DPP10: variants seen among roughly 807,000 people sequenced by gnomAD.
DPP10 encodes dipeptidyl peptidase like 10, also known as inactive dipeptidyl peptidase 10.
Under a neutral mutation model 120.9 loss-of-function variants are expected in DPP10, and 33 were observed. The ratio of observed to expected loss-of-function variants is 0.27; its 90% CI spans 0.21 to 0.37. The LOEUF is 0.37. DPP10 is among the 10% of genes least tolerant of loss of function. The pLI is 1.00. For missense variants in DPP10, 816 were observed against 942.8 expected (o/e 0.87, Z 1.76); for synonymous variants, 337 against 326.1 (o/e 1.03, Z -0.36).
intron 1 of DPP10, among the ~76,000 whole-genome samples, chr2:115,085,324 G>A (rs1708603973): frequency 6.6e-6 from 1 of 152,038 alleles, no homozygotes; most frequent in Non-Finnish European, 1.5e-5. Flanking sequence ...GTATGTGTGA[G>A]CACGTGTGTG....
intron 1 of DPP10, among the ~76,000 whole-genome samples, chr2:115,251,920 G>A (rs771474157): frequency 8.5e-5 from 13 of 152,114 alleles, no homozygotes; most frequent in Non-Finnish European, 1.3e-4. Flanking sequence ...TTTTCTCTGG[G>A]CAGCCCCACC....
intron 5 of DPP10, among the ~76,000 whole-genome samples, chr2:115,564,292 T>G (rs2080868212): frequency 6.6e-6 from 1 of 151,766 alleles, no homozygotes; most frequent in Admixed American, 6.6e-5. Flanking sequence ...ATTTTTATCC[T>G]GACTGTCTGC....
At chr2:115,289,845 C>T (rs531439094) in intron 1 of DPP10, among the ~76,000 whole-genome samples, 9 of 152,154 alleles carry the variant, frequency 5.9e-5, no homozygotes, top group South Asian at 2.1e-4. Flanking sequence ...TTCACATTAA[C>T]CCAAGATGGA....
intron 1 of DPP10, among the ~76,000 whole-genome samples, chr2:114,649,902 C>T (rs1045421432): frequency 2.0e-5 from 3 of 151,944 alleles, no homozygotes; most frequent in African/African-American, 7.3e-5. Context: ...ATGTTTTCCA[C>T]TTGGTTTATT....
chr2:114,742,727 A>T (rs1022329088), intron 1 of DPP10, among the ~76,000 whole-genome samples: 2 of 152,220 alleles, frequency 1.3e-5, no homozygotes, highest in Admixed American at 1.3e-4. Flanking sequence ...TCGAACAGCA[A>T]CACTGTGTGT....
intron 1 of DPP10, among the ~76,000 whole-genome samples, chr2:114,980,741 G>A (rs1472742590): frequency 6.6e-6 from 1 of 151,504 alleles, no homozygotes; most frequent in African/African-American, 2.4e-5. Flanking sequence ...TAACAATAAT[G>A]ATACCTCCCA....
chr2:115,746,954 G>A (rs963187226), intron 10 of DPP10, among the ~76,000 whole-genome samples: 1 of 152,066 alleles, frequency 6.6e-6, no homozygotes, highest in East Asian at 1.9e-4. Context: ...CGATAATCAG[G>A]GTGATTGGTT....
intron 5 of DPP10, among the ~76,000 whole-genome samples, chr2:115,612,729 C>T (rs898495068): frequency 6.6e-6 from 1 of 152,034 alleles, no homozygotes; most frequent in African/African-American, 2.4e-5. Flanking sequence ...TGAAATGAGA[C>T]TAATAATACT....
chr2:114,844,801 T>C (rs1688418675), intron 1 of DPP10, among the ~76,000 whole-genome samples: 2 of 152,074 alleles, frequency 1.3e-5, no homozygotes. Context: ...AGGACTTCAA[T>C]TCTGGTAAGG....
At chr2:115,746,802 T>A (rs139352019) in intron 10 of DPP10, among the ~76,000 whole-genome samples, 3 of 152,172 alleles carry the variant, frequency 2.0e-5, no homozygotes, top group Non-Finnish European at 4.4e-5. Flanking sequence ...GTTTCAGACT[T>A]CAAAAGTGAT....
chr2:115,740,655 C>A (rs933087742), intron 9 of DPP10, among the ~76,000 whole-genome samples: 2 of 152,058 alleles, frequency 1.3e-5, no homozygotes, highest in African/African-American at 4.8e-5. Context: ...AAACTATTTT[C>A]AAGTGTTGGG....
chr2:115,013,155 G>C (rs1702382496), intron 1 of DPP10, among the ~76,000 whole-genome samples: 2 of 152,030 alleles, frequency 1.3e-5, no homozygotes, highest in Admixed American at 1.3e-4. Flanking sequence ...TCCATATTTA[G>C]TGCTTCCTTC....
chr2:114,783,006 A>G (rs939030592), intron 1 of DPP10, among the ~76,000 whole-genome samples: 4 of 152,172 alleles, frequency 2.6e-5, no homozygotes, highest in Non-Finnish European at 4.4e-5. Context: ...TGCTAATCCA[A>G]AAACATAAAC....
At chr2:115,202,723 T>C (rs2055826554) in intron 1 of DPP10, among the ~76,000 whole-genome samples, 1 of 152,196 alleles carries the variant, frequency 6.6e-6, no homozygotes, top group Non-Finnish European at 1.5e-5. Flanking sequence ...CTGTTTAATA[T>C]GGACATGTGG....
intron 5 of DPP10, among the ~76,000 whole-genome samples, chr2:115,618,171 G>A (rs1031667866): frequency 6.6e-6 from 1 of 152,180 alleles, no homozygotes; most frequent in Non-Finnish European, 1.5e-5. Flanking sequence ...ATGAGTTAGG[G>A]TTGAGAAAAC....
chr2:115,198,108 A>G (rs936505978), intron 1 of DPP10, among the ~76,000 whole-genome samples: 1 of 152,200 alleles, frequency 6.6e-6, no homozygotes, highest in Non-Finnish European at 1.5e-5. Context: ...AATCATATTA[A>G]TCTTGCTTTC....
intron 5 of DPP10, among the ~76,000 whole-genome samples, chr2:115,642,408 T>A (rs902576138): frequency 6.6e-6 from 1 of 152,086 alleles, no homozygotes; most frequent in Non-Finnish European, 1.5e-5. Flanking sequence ...CAGAAAAAAA[T>A]TGACCTTCCT....
chr2:114,509,388 G>A (rs1454127471), intron 1 of DPP10, among the ~76,000 whole-genome samples: 1 of 152,162 alleles, frequency 6.6e-6, no homozygotes, highest in Non-Finnish European at 1.5e-5. Flanking sequence ...AAACAACCCT[G>A]TAAGGAAGGA....
At chr2:114,721,111 A>C (rs1701679430) in intron 1 of DPP10, among the ~76,000 whole-genome samples, 1 of 152,232 alleles carries the variant, frequency 6.6e-6, no homozygotes, top group African/African-American at 2.4e-5. Flanking sequence ...CTAGATAAAG[A>C]AGTCACTGCT....
Sources: gnomAD v4.1 joint callset for allele counts (sites outside exome capture counted in the v4.1 genomes callset) on GRCh38, gnomAD v4.1.1 for gene constraint, MANE v1.5 for transcripts, NCBI Gene and HGNC (gene_info 2026-07-23, HGNC 2026-07-21) for gene names.